HMCN1: variants seen among roughly 807,000 people sequenced by gnomAD.
HMCN1 encodes the protein hemicentin 1.
In HMCN1, 321 loss-of-function variants were observed where a neutral mutation model predicts 625.9. The ratio of observed to expected loss-of-function variants is 0.51; its 90% CI spans 0.47 to 0.56. HMCN1 has a LOEUF of 0.56. HMCN1 is among the 20% of genes least tolerant of loss of function. The pLI, the probability that HMCN1 is intolerant of heterozygous loss-of-function variation, is 0.00. For synonymous variants in HMCN1, 2,425 were observed against 2,417.6 expected, an observed-to-expected ratio of 1.00 and a Z score of -0.09; for missense variants, 6,588 against 6,887.3, an observed-to-expected ratio of 0.96 and a Z score of 1.54.
intron 35 of HMCN1, among the ~76,000 whole-genome samples, chr1:186,022,768 G>A (rs1157380627): frequency 6.6e-6 from 1 of 151,508 alleles, no homozygotes; most frequent in Non-Finnish European, 1.5e-5. Flanking sequence ...CTTTTATTCA[G>A]TATGACTATA....
chr1:186,029,397 A>G (rs1655269592), intron 36 of HMCN1, among the ~76,000 whole-genome samples: 1 of 152,208 alleles, frequency 6.6e-6, no homozygotes, highest in Non-Finnish European at 1.5e-5. Context: ...GATCACACAT[A>G]TAATTCACAT....
chr1:185,940,275 AT>A (rs1227148975), intron 11 of HMCN1, among the ~76,000 whole-genome samples: 1 of 152,202 alleles, frequency 6.6e-6, no homozygotes, highest in African/African-American at 2.4e-5. Context: ...AAATAAGATG[AT>A]ACTCAGCATG....
At chr1:186,060,537 G>C (rs1395575407) in intron 46 of HMCN1, among the ~76,000 whole-genome samples, 1 of 151,978 alleles carries the variant, frequency 6.6e-6, no homozygotes, top group African/African-American at 2.4e-5. Flanking sequence ...CAGTATATTA[G>C]AGTTTCACTT....
chr1:185,998,773 A>G (rs1571690081), intron 25 of HMCN1, among the ~76,000 whole-genome samples: 1 of 152,110 alleles, frequency 6.6e-6, no homozygotes, highest in African/African-American at 2.4e-5. Flanking sequence ...CATCTTGCTC[A>G]TGGTTGTTCT....
At chr1:186,115,073 G>A in intron 74 of HMCN1, 127 bp downstream of exon 74, 4 of 1,452,892 alleles carry the variant, frequency 2.8e-6, no homozygotes, top group South Asian at 1.1e-5. Flanking sequence ...GGTATGAATA[G>A]CAAGCCCCAA....
intron 50 of HMCN1, 135 bp from the exon 51 acceptor site, chr1:186,069,528 T>C (rs1658351325): frequency 4.3e-6 from 3 of 702,566 alleles, no homozygotes; most frequent in Non-Finnish European, 7.8e-6. Flanking sequence ...GTTTATCTTA[T>C]ATCATATGTC....
At chr1:186,049,847 C>A (rs1161336668) in intron 42 of HMCN1, among the ~76,000 whole-genome samples, 9 of 151,862 alleles carry the variant, frequency 5.9e-5, no homozygotes, top group African/African-American at 2.2e-4. Flanking sequence ...AAATGAGTAT[C>A]ATCTTTTAAA....
intron 65 of HMCN1, 67 bp downstream of exon 65, chr1:186,093,325 C>T (rs1659948755): frequency 1.9e-6 from 3 of 1,600,816 alleles, no homozygotes; most frequent in African/African-American, 2.7e-5. Context: ...AAGTGAAGGC[C>T]CAGCAGCAGG....
chr1:186,041,627 A>G (rs963597154), intron 40 of HMCN1, among the ~76,000 whole-genome samples: 2 of 152,136 alleles, frequency 1.3e-5, no homozygotes. Flanking sequence ...CCCACTCTCA[A>G]TGCCGCTCAC....
At chr1:186,005,407 T>C (rs948474979) in intron 29 of HMCN1, among the ~76,000 whole-genome samples, 3 of 149,656 alleles carry the variant, frequency 2.0e-5, no homozygotes, top group Non-Finnish European at 3.0e-5. Flanking sequence ...TTTAATTGTT[T>C]ATAAATGTTT....
chr1:185,768,895 C>A (rs1014129882), intron 1 of HMCN1, among the ~76,000 whole-genome samples: 2 of 152,130 alleles, frequency 1.3e-5, no homozygotes, highest in Non-Finnish European at 2.9e-5. Flanking sequence ...AAATATTTAA[C>A]CTCATTAAGC....
chr1:186,175,576 T>C (rs1287299060), intron 103 of HMCN1, among the ~76,000 whole-genome samples: 1 of 152,172 alleles, frequency 6.6e-6, no homozygotes, highest in Non-Finnish European at 1.5e-5. Flanking sequence ...TATTATCATT[T>C]ATATATAGTT....
chr1:185,885,932 A>T (rs1558039335), intron 4 of HMCN1, among the ~76,000 whole-genome samples: 1 of 152,070 alleles, frequency 6.6e-6, no homozygotes, highest in East Asian at 1.9e-4. Context: ...ACCAAATTTA[A>T]TTTAAAAGTA....
At chr1:186,017,928 C>G (rs1020348304) in intron 33 of HMCN1, among the ~76,000 whole-genome samples, 11 of 151,904 alleles carry the variant, frequency 7.2e-5, no homozygotes, top group Non-Finnish European at 1.5e-4. Context: ...ACAAACAATC[C>G]AATACTTCTC....
chr1:186,045,330 C>T (rs374875955), intron 40 of HMCN1, among the ~76,000 whole-genome samples: 15 of 152,142 alleles, frequency 9.9e-5, no homozygotes, highest in African/African-American at 3.6e-4. Context: ...ATATTGAATG[C>T]GTATTCACTC....
intron 97 of HMCN1, among the ~76,000 whole-genome samples, chr1:186,156,173 A>G (rs898570745): frequency 6.6e-6 from 1 of 152,192 alleles, no homozygotes; most frequent in African/African-American, 2.4e-5. Flanking sequence ...AGAGTATCAG[A>G]AATTATGCAG....
chr1:186,033,197 G>A (rs1478640884), intron 36 of HMCN1, among the ~76,000 whole-genome samples: 1 of 152,030 alleles, frequency 6.6e-6, no homozygotes, highest in Non-Finnish European at 1.5e-5. Context: ...ACCCAGGAAT[G>A]GAAAACCAAA....
At chr1:185,893,240 A>G (rs1048452489) in intron 4 of HMCN1, among the ~76,000 whole-genome samples, 3 of 152,186 alleles carry the variant, frequency 2.0e-5, no homozygotes, top group African/African-American at 4.8e-5. Context: ...AACCCGGTAC[A>G]TCAGATGGAA....
At chr1:185,748,400 C>T (rs1017311221) in intron 1 of HMCN1, among the ~76,000 whole-genome samples, 1 of 152,100 alleles carries the variant, frequency 6.6e-6, no homozygotes, top group Non-Finnish European at 1.5e-5. Flanking sequence ...ATGTCTCACC[C>T]ATAATCAAAA....
Sources: allele counts gnomAD v4.1 joint callset (sites outside exome capture counted in the v4.1 genomes callset), GRCh38; gene constraint gnomAD v4.1.1; transcripts MANE v1.5; gene names NCBI Gene and HGNC (gene_info 2026-07-23, HGNC 2026-07-21).